The following SMG6 variants were observed in gnomAD, a reference collection of about 807,000 sequenced individuals.
SMG6 encodes SMG6 nonsense mediated mRNA decay factor.
In SMG6, 66 loss-of-function variants were observed where a neutral mutation model predicts 142.2. That is an observed-to-expected ratio of 0.46 (90% confidence interval 0.38 to 0.57). SMG6 has a LOEUF of 0.57. Among genes scored for constraint, SMG6 ranks in the 20% least tolerant of loss-of-function variants. The probability of loss-of-function intolerance (pLI) is 0.00; values close to 1 mark genes in which losing one functional copy is unlikely to be tolerated. For synonymous variants in SMG6, 779 were observed against 702.4 expected (o/e 1.11, Z -1.72); for missense variants, 1,793 against 1,832.0 (o/e 0.98, Z 0.39).
chr17:2,181,946 C>T (rs1222160004), intron 12 of SMG6, among the ~76,000 whole-genome samples: 3 of 152,170 alleles, frequency 2.0e-5, no homozygotes, highest in African/African-American at 2.4e-5. Flanking sequence ...AGACATGCTG[C>T]GTGAGAGAGC....
intron 10 of SMG6, among the ~76,000 whole-genome samples, chr17:2,196,761 G>C (rs2072341813): frequency 1.3e-5 from 2 of 152,178 alleles, no homozygotes; most frequent in African/African-American, 4.8e-5. Context: ...GCCGGGCATG[G>C]TGGTTCATGC....
intron 10 of SMG6, among the ~76,000 whole-genome samples, chr17:2,222,537 G>A (rs1304852801): frequency 1.3e-5 from 1 of 74,262 alleles, no homozygotes; most frequent in African/African-American, 5.0e-5. Flanking sequence ...TCAGAGAGAG[G>A]CAATGCGGGG....
chr17:2,198,708 C>T (rs575677910), intron 10 of SMG6, among the ~76,000 whole-genome samples: 1 of 152,002 alleles, frequency 6.6e-6, no homozygotes, highest in South Asian at 2.1e-4. Flanking sequence ...AAAGTAAACC[C>T]AAGTAAAACC....
intron 13 of SMG6, among the ~76,000 whole-genome samples, chr17:2,114,876 G>A (rs564186282): frequency 1.7e-5 from 2 of 114,868 alleles, no homozygotes; most frequent in East Asian, 2.1e-4. Flanking sequence ...TTGTGGAGTC[G>A]AAATCGTGCC....
rs964244914 is a variant in SMG6, at chr17:2,233,945, T to C, written c.2869+2547A>G. ...TCACTGAGTGTTATATCCTGTGGCC[T>C]GGGCCGTTTTTCCTTGAAACACCCT... On this transcript the variant is annotated intron_variant, in intron 10 of 18. Coordinates refer to ENST00000263073, the MANE Select transcript of SMG6 (RefSeq NM_017575.5). 9.2e-5 allele frequency among the ~76,000 whole-genome samples: 14 copies of C among 152,342 alleles called. No homozygotes were observed. The South Asian group carries it at 1.7e-3, about 18-fold the overall frequency.
At chr17:2,090,982 C>A (rs2068700791) in intron 13 of SMG6, among the ~76,000 whole-genome samples, 2 of 152,324 alleles carry the variant, frequency 1.3e-5, no homozygotes, top group South Asian at 4.1e-4. Flanking sequence ...TGGCTGGCTT[C>A]TGAGGTCAAT....
chr17:2,264,834 G>A (rs902667350), intron 8 of SMG6, among the ~76,000 whole-genome samples: 4 of 151,592 alleles, frequency 2.6e-5, no homozygotes, highest in African/African-American at 4.8e-5. Flanking sequence ...CCCAGGAGGC[G>A]AAGGTTGCAG....
chr17:2,258,895 T>C (rs1391758223), intron 8 of SMG6, among the ~76,000 whole-genome samples: 1 of 151,338 alleles, frequency 6.6e-6, no homozygotes, highest in African/African-American at 2.4e-5. Flanking sequence ...CTGGCCAACA[T>C]GGTGAAACCC....
chr17:2,070,055 C>T, intron 15 of SMG6, among the ~76,000 whole-genome samples: 1 of 152,174 alleles, frequency 6.6e-6, no homozygotes, highest in East Asian at 1.9e-4. Flanking sequence ...TCTCCTTGGC[C>T]CCACTGTCCC....
At chr17:2,281,940 A>T (rs1014142101) in intron 8 of SMG6, among the ~76,000 whole-genome samples, 1 of 152,152 alleles carries the variant, frequency 6.6e-6, no homozygotes, top group African/African-American at 2.4e-5. Flanking sequence ...CTTGTTCTTT[A>T]TACTTCAATT....
chr17:2,112,515 A>C (rs1295913506), intron 13 of SMG6, among the ~76,000 whole-genome samples: 3 of 119,008 alleles, frequency 2.5e-5, no homozygotes, highest in Non-Finnish European at 5.0e-5. Flanking sequence ...CTCAAAAAAA[A>C]TAAAATAAAA....
chr17:2,220,119 T>C (rs2073132323), intron 10 of SMG6, among the ~76,000 whole-genome samples: 1 of 152,120 alleles, frequency 6.6e-6, no homozygotes, highest in Non-Finnish European at 1.5e-5. Context: ...GATGGGGTTT[T>C]GCCATGTTAC....
At chr17:2,086,005 C>T (rs1219230843) in intron 13 of SMG6, 104 bp from the exon 14 acceptor site, 1 of 1,198,184 alleles carries the variant, frequency 8.3e-7, no homozygotes, top group Non-Finnish European at 1.2e-6. Context: ...TGTGTCAAAG[C>T]TACCAGGCAA....
rs1311703460 is a variant in SMG6, at chr17:2,239,892, C to T, written c.2724-3255G>A. ...CTTCGAAGCTATGCAAATAGCATGACTAGGCAAGCAAGTAAAAGCTAAAGT... is the reference window on the plus strand; with the variant it reads ...CTTCGAAGCTATGCAAATAGCATGATTAGGCAAGCAAGTAAAAGCTAAAGT... On this transcript the variant is annotated intron_variant, in intron 9 of 18. Coordinates refer to ENST00000263073, the MANE Select transcript of SMG6 (RefSeq NM_017575.5). 3 of 152,262 alleles carry T rather than the reference C, an allele frequency of 2.0e-5. No individual in the cohort carries two copies. The East Asian group carries it at 5.8e-4, about 29-fold the overall frequency. 9.4% of individuals were successfully genotyped at this position (152,262 alleles called of 1,614,324 possible).
At chr17:2,258,626 G>A (rs1347209480) in intron 8 of SMG6, among the ~76,000 whole-genome samples, 1 of 148,246 alleles carries the variant, frequency 6.7e-6, no homozygotes, top group African/African-American at 2.5e-5. Context: ...AACATAGAGA[G>A]ACCTTGTTTC....
At chr17:2,192,524 G>A (rs907158880) in intron 10 of SMG6, among the ~76,000 whole-genome samples, 3 of 152,196 alleles carry the variant, frequency 2.0e-5, no homozygotes, top group African/African-American at 4.8e-5. Flanking sequence ...ATCACTAAGA[G>A]CTGGAGAAAA....
intron 13 of SMG6, among the ~76,000 whole-genome samples, chr17:2,120,258 G>C (rs1490810976): frequency 6.6e-6 from 1 of 152,178 alleles, no homozygotes; most frequent in East Asian, 1.9e-4. Flanking sequence ...TTAAGAAAAT[G>C]AATAGGTAAG....
At position 2,172,839 on chromosome 17, in the gene SMG6, G is replaced by C; in HGVS notation, c.3176C>G (p.Ser1059Trp). The C allele has an allele frequency of 1.2e-6, 2 of 1,614,068 alleles. No individual in the cohort carries two copies. Among genetic ancestry groups the C allele is most frequent in the Non-Finnish European group, 1.7e-6 (2 of 1,180,004 alleles). ...TATGTTACAGAAATCAGCCAGCGTC[G>C]ACCATACATCCACAGCAACACTGTG... ...LPSHVAVDVWSTLADFCNILT... is the reference protein window; with the variant it reads ...LPSHVAVDVWWTLADFCNILT... Residue 1059 changes from serine to tryptophan, a missense_variant, in exon 13 of 19, where the codon TCG becomes TGG. By Grantham distance (177) the Ser-to-Trp change is radical. Coordinates refer to ENST00000263073, the MANE Select transcript of SMG6 (RefSeq NM_017575.5).
intron 10 of SMG6, among the ~76,000 whole-genome samples, chr17:2,231,218 G>A (rs2073483078): frequency 6.6e-6 from 1 of 152,272 alleles, no homozygotes; most frequent in African/African-American, 2.4e-5. Flanking sequence ...CACTTCGGTT[G>A]CGAACCAAAC....
Sources: gnomAD v4.1 joint callset for allele counts (sites outside exome capture counted in the v4.1 genomes callset) on GRCh38, gnomAD v4.1.1 for gene constraint, MANE v1.5 for transcripts, NCBI Gene and HGNC (gene_info 2026-07-23, HGNC 2026-07-21) for gene names.